Variants in SCYL3 observed in about 807,000 individuals in gnomAD.
SCYL3 encodes SCY1 like pseudokinase 3.
Under a neutral mutation model 73.8 loss-of-function variants are expected in SCYL3, and 35 were observed. The observed-to-expected ratio is 0.47, with a 90% CI of 0.36 to 0.63. SCYL3 has a LOEUF of 0.63. Among genes scored for constraint, SCYL3 ranks in the 20% least tolerant of loss-of-function variants. SCYL3 has a pLI of 0.00. For synonymous variants in SCYL3, 277 were observed against 295.2 expected (o/e 0.94, Z 0.63); for missense variants, 712 against 798.9 (o/e 0.89, Z 1.31).
Position 169,868,980 on chromosome 1 carries a change from T to C in SCYL3, c.685A>G (p.Ile229Val). The C allele has an allele frequency of 6.2e-7, 1 of 1,614,164 alleles. No homozygotes were observed. The highest frequency in any genetic ancestry group is 8.5e-7 in the Non-Finnish European group (1 of 1,180,032). Residue 229 changes from isoleucine (I) to valine (V), a missense_variant, in exon 7 of 13, where the codon ATT (isoleucine) becomes GTT (valine). Coordinates refer to ENST00000367771, the MANE Select transcript of SCYL3 (RefSeq NM_020423.7). Reference sequence around the variant, plus strand: ...CAGAGCGCTGGCCGACATTTTGGAATGGGATTCAGCAAAGTTGAGTGCAAG... The same window carrying C: ...CAGAGCGCTGGCCGACATTTTGGAACGGGATTCAGCAAAGTTGAGTGCAAG... The part of the protein sequence containing the change: ...QTLHSTLLNP[I>V]PKCRPALCTL...
In SCYL3 at chr1:169,850,274, C is replaced by A. The variant is rs200039690; in HGVS notation, c.*3439G>T. ...ATCAATTTTTTAATAGGGAACAAAT[C>A]ATGAAGAGATAGTTCCACAGTGTCT... On this transcript the variant is annotated 3_prime_UTR_variant, in exon 13 of 13. Transcript: ENST00000367771. The A allele has an allele frequency of 5.0e-6, 8 of 1,607,112 alleles. No individual in the cohort carries two copies. The highest frequency in any genetic ancestry group is 6.8e-6 in the Non-Finnish European group (8 of 1,174,588).
upstream of SCYL3, chr1:169,894,088 T>A (rs1476888698): frequency 6.6e-6 from 1 of 152,278 alleles, no homozygotes; most frequent in Non-Finnish European, 1.5e-5. Context: ...GATACCGAGT[T>A]TCACTCACTG....
Position 169,859,197 on chromosome 1 carries a change from G to A in SCYL3, c.1156C>T (p.Arg386Cys), listed in dbSNP as rs1168812385. ...GCCACAATGGAATCGCTAGTATCAC[G>A]CAGGCCCAGCAAAACCTAGGAGCAA... ...VILPQVLLGL[R>C]DTSDSIVAIT... Residue 386 changes from arginine (R) to cysteine (C), a missense_variant, in exon 11 of 13, where the codon CGT becomes TGT. This residue lies in a region of SCYL3 where 342 missense variants were observed against 448.1 expected (regional missense o/e 0.76). Transcript: ENST00000367771. The A allele has an allele frequency of 3.7e-6, 6 of 1,610,394 alleles. No homozygotes were observed. The highest frequency in any genetic ancestry group is 2.2e-5 in the South Asian group (2 of 90,470).
intron 11 of SCYL3, among the ~76,000 whole-genome samples, chr1:169,856,785 C>G (rs1659210898): frequency 6.6e-6 from 1 of 152,198 alleles, no homozygotes; most frequent in African/African-American, 2.4e-5. Context: ...TCTACATCAC[C>G]CTTTTCAAGC....
chr1:169,880,673 G>GA (rs1167887372), intron 2 of SCYL3, among the ~76,000 whole-genome samples: 1 of 148,680 alleles, frequency 6.7e-6, no homozygotes, highest in Non-Finnish European at 1.5e-5. Context: ...TCAAATGGAA[G>GA]AAAAAATGAT....
At chr1:169,879,351 G>A (rs964846607) in intron 2 of SCYL3, among the ~76,000 whole-genome samples, 3 of 152,198 alleles carry the variant, frequency 2.0e-5, no homozygotes, top group African/African-American at 4.8e-5. Flanking sequence ...AAGAACCAAG[G>A]AAGGTGAGTA....
intron 8 of SCYL3, among the ~76,000 whole-genome samples, chr1:169,864,857 C>T (rs1430215753): frequency 2.0e-5 from 3 of 151,750 alleles, no homozygotes; most frequent in African/African-American, 4.8e-5. Context: ...CTACTCGGGG[C>T]TGAGGCATGG....
intron 11 of SCYL3, 62 bp downstream of exon 11, chr1:169,858,979 A>G: frequency 6.9e-7 from 1 of 1,441,082 alleles, no homozygotes; most frequent in Non-Finnish European, 9.7e-7. Flanking sequence ...TACATTACTT[A>G]TATAATACTA....
At position 169,876,056 on chromosome 1, in the gene SCYL3, A is replaced by G. The variant is rs1419486930; in HGVS notation, c.387T>C (p.Ser129=). ...AGTGTCCATCTTCACTCACAAACAC[A>G]GATGATAAACAGACATTATTGTGTG... The part of the protein sequence containing the change: ...HLTHNNVCLS[S]VFVSEDGHWK... Residue 129 remains serine (S), a synonymous_variant, in exon 4 of 13, where the codon TCT becomes TCC. Transcript: ENST00000367771. The G allele has an allele frequency of 5.0e-6, 8 of 1,610,778 alleles. No homozygotes were observed. The highest frequency in any genetic ancestry group is 6.8e-6 in the Non-Finnish European group (8 of 1,178,670).
chr1:169,857,232 G>A (rs998244223), intron 11 of SCYL3, among the ~76,000 whole-genome samples: 1 of 152,216 alleles, frequency 6.6e-6, no homozygotes, highest in East Asian at 1.9e-4. Context: ...CTTTTTGTAA[G>A]CTGACAGTAT....
chr1:169,856,001 T>C, intron 11 of SCYL3: 1 of 1,585,988 alleles, frequency 6.3e-7, no homozygotes. Flanking sequence ...GGACAGTAAA[T>C]TGCTTCTTGA....
Position 169,888,805 on chromosome 1 carries a change from T to C in SCYL3, c.36A>G (p.Thr12=), listed in dbSNP as rs776996379. 1.9e-6 allele frequency: 3 copies of C among 1,613,832 alleles called. No homozygotes were observed. The highest frequency in any genetic ancestry group is 3.3e-5 in the Admixed American group (2 of 59,986). ...GSENSALKSY[T]LREPPFTLPS... is the part of the protein sequence containing the mutation. ...GTAAGGTAAATGGTGGTTCTCTCAGTGTATAGCTCTTTAAAGCACTGTTCT... is the reference window on the plus strand; with the variant it reads ...GTAAGGTAAATGGTGGTTCTCTCAGCGTATAGCTCTTTAAAGCACTGTTCT... The change falls in exon 2 of 13, where the codon ACA becomes ACG. Residue 12 remains threonine, a synonymous_variant. Transcript: ENST00000367771.
chr1:169,861,299 T>C (rs139453406), intron 10 of SCYL3, among the ~76,000 whole-genome samples: 174 of 152,308 alleles, frequency 1.1e-3, no homozygotes, highest in African/African-American at 4.0e-3. Flanking sequence ...ACCTACACTT[T>C]AAGAAGGCTT....
chr1:169,855,838 T>G lies in SCYL3; in HGVS notation c.1313-874A>C, dbSNP rs377249159. 38 of 1,613,790 alleles carry G rather than the reference T, an allele frequency of 2.4e-5. No homozygotes were observed. The African/African-American group carries it at 3.9e-4, about 16-fold the overall frequency. ...TTGTAGTAATCTCGCTGTATGTGCT[T>G]CTTGCTGTTGATGGGCGTGCTGCCA... On this transcript the variant is annotated intron_variant, in intron 11 of 12. Coordinates refer to ENST00000367771, the MANE Select transcript of SCYL3 (RefSeq NM_020423.7).
At chr1:169,888,110 CT>C in intron 2 of SCYL3, among the ~76,000 whole-genome samples, 1 of 152,306 alleles carries the variant, frequency 6.6e-6, no homozygotes, top group Non-Finnish European at 1.5e-5. Flanking sequence ...CAACTAATGC[CT>C]TCATTTTCCC....
intron 8 of SCYL3, among the ~76,000 whole-genome samples, chr1:169,866,536 C>T (rs1343561400): frequency 1.3e-5 from 2 of 152,234 alleles, no homozygotes; most frequent in Admixed American, 6.5e-5. Flanking sequence ...CAGGACTCAA[C>T]TGTTTGCGGT....
At position 169,852,090 on chromosome 1, in the gene SCYL3, T is replaced by C; in HGVS notation, c.*1623A>G. 1 of 1,034,716 alleles carries C rather than the reference T, an allele frequency of 9.7e-7. No individual in the cohort carries two copies. The highest frequency in any genetic ancestry group is 2.0e-4 in the Middle Eastern group (1 of 4,896). 64.1% of individuals were successfully genotyped at this position (1,034,716 alleles called of 1,614,324 possible). A position where few individuals can be genotyped will look rare whatever the true frequency, so the allele number is the denominator to read the frequency against. Reference sequence around the variant, plus strand: ...TAAAATTCTGTTTTATGGTAGTTGCTTTTAAAATTAAGAAGTGGGACTACA... The same window carrying C: ...TAAAATTCTGTTTTATGGTAGTTGCCTTTAAAATTAAGAAGTGGGACTACA... On this transcript the variant is annotated 3_prime_UTR_variant, in exon 13 of 13. Transcript: ENST00000367771.
intron 10 of SCYL3, among the ~76,000 whole-genome samples, chr1:169,860,502 C>T (rs1452033760): frequency 6.6e-6 from 1 of 152,228 alleles, no homozygotes; most frequent in Non-Finnish European, 1.5e-5. Context: ...CTCAATGTGA[C>T]TTGACCAATT....
At chr1:169,890,933 G>A (rs1308137096) in intron 1 of SCYL3, among the ~76,000 whole-genome samples, 1 of 152,216 alleles carries the variant, frequency 6.6e-6, no homozygotes, top group African/African-American at 2.4e-5. Context: ...TGGCCAGATT[G>A]TCACAACCTC....
Sources: allele counts gnomAD v4.1 joint callset (sites outside exome capture counted in the v4.1 genomes callset), GRCh38; gene constraint gnomAD v4.1.1; regional missense constraint gnomAD v4.1.1; transcripts MANE v1.5; gene names NCBI Gene and HGNC (gene_info 2026-07-23, HGNC 2026-07-21).